The following MRTFB variants were observed in gnomAD, a reference collection of about 807,000 sequenced individuals.
The protein encoded by MRTFB is myocardin-related transcription factor B.
Under a neutral mutation model 104.2 loss-of-function variants are expected in MRTFB, and 29 were observed. The ratio of observed to expected loss-of-function variants is 0.28; its 90% confidence interval spans 0.21 to 0.38. The LOEUF (loss-of-function observed/expected upper bound fraction) is 0.38. Among genes scored for constraint, MRTFB ranks in the 10% least tolerant of loss-of-function variants. The probability of loss-of-function intolerance (pLI) is 1.00; values close to 1 mark genes in which losing one functional copy is unlikely to be tolerated. For missense variants in MRTFB, 1,270 were observed against 1,341.6 expected, an observed-to-expected ratio of 0.95 and a Z score of 0.83; for synonymous variants, 535 against 519.5, an observed-to-expected ratio of 1.03 and a Z score of -0.41.
intron 3 of MRTFB, among the ~76,000 whole-genome samples, chr16:14,147,503 A>ACT (rs1054744962): frequency 4.3e-4 from 65 of 152,052 alleles, no homozygotes; most frequent in African/African-American, 1.4e-3. Context: ...CTATTTTTCT[A>ACT]CTCTGAGTGT....
chr16:14,132,124 C>G (rs1475951028), intron 2 of MRTFB, among the ~76,000 whole-genome samples: 1 of 151,964 alleles, frequency 6.6e-6, no homozygotes, highest in African/African-American at 2.4e-5. Flanking sequence ...GATAATTGGA[C>G]AGTATAGAGG....
chr16:14,144,948 C>CA (rs373155376), intron 3 of MRTFB, among the ~76,000 whole-genome samples: 59 of 86,996 alleles, frequency 6.8e-4, no homozygotes, highest in Non-Finnish European at 1.1e-3. Context: ...GACTCTGTCT[C>CA]AAAAAAAAAA....
intron 8 of MRTFB, among the ~76,000 whole-genome samples, chr16:14,223,136 A>G (rs773559656): frequency 2.0e-5 from 3 of 152,068 alleles, no homozygotes; most frequent in African/African-American, 7.2e-5. Flanking sequence ...GTGAGACCCC[A>G]TCTCTACTAA....
the MRTFB span, among the ~76,000 whole-genome samples, chr16:14,043,289 G>T: frequency 6.6e-6 from 1 of 152,100 alleles, no homozygotes. Context: ...CATTCTTTCT[G>T]CCAGAAGCAT....
At chr16:14,035,764 T>A in the MRTFB span, among the ~76,000 whole-genome samples, 16 of 152,096 alleles carry the variant, frequency 1.1e-4, no homozygotes, top group Non-Finnish European at 2.2e-4. Context: ...CAGGCAGTAT[T>A]TGGTTACATG....
chr16:14,208,352 A>G (rs1213949382), intron 3 of MRTFB, among the ~76,000 whole-genome samples: 2 of 152,210 alleles, frequency 1.3e-5, no homozygotes, highest in African/African-American at 2.4e-5. Flanking sequence ...CATTCACCCA[A>G]AAAACGTATT....
At chr16:14,249,433 T>A (rs182580226) in intron 13 of MRTFB, among the ~76,000 whole-genome samples, 12 of 152,378 alleles carry the variant, frequency 7.9e-5, no homozygotes, top group African/African-American at 2.4e-4. Context: ...GATATGCTGT[T>A]CCCTTGGAAA....
the MRTFB span, among the ~76,000 whole-genome samples, chr16:13,997,012 G>A: frequency 1.3e-5 from 2 of 152,148 alleles, no homozygotes; most frequent in African/African-American, 4.8e-5. Context: ...GGTTTGCAGT[G>A]GACAGCGTGA....
chr16:14,151,700 G>A (rs754750965), intron 3 of MRTFB: 2 of 152,150 alleles, frequency 1.3e-5, no homozygotes, highest in East Asian at 1.9e-4. Flanking sequence ...GAGGGCAAAG[G>A]CAGTGGGCAC....
chr16:14,043,926 T>C, the MRTFB span, among the ~76,000 whole-genome samples: 1 of 152,158 alleles, frequency 6.6e-6, no homozygotes, highest in Admixed American at 6.5e-5. Flanking sequence ...TATAGTGCAG[T>C]GATAGGAGCA....
intron 10 of MRTFB, among the ~76,000 whole-genome samples, chr16:14,243,979 G>A (rs113194136): frequency 2.0e-5 from 3 of 151,370 alleles, no homozygotes; most frequent in East Asian, 2.0e-4. Flanking sequence ...CAGGGTTCAC[G>A]CCATTCTCCT....
intron 3 of MRTFB, chr16:14,148,705 C>G (rs534986742): frequency 7.9e-5 from 12 of 152,808 alleles, no homozygotes; most frequent in African/African-American, 2.9e-4. Context: ...TCAGTCTCCT[C>G]TGCTGACTCA....
At chr16:14,117,905 CTCTT>C (rs925118242) in intron 2 of MRTFB, among the ~76,000 whole-genome samples, 27 of 152,138 alleles carry the variant, frequency 1.8e-4, no homozygotes, top group Non-Finnish European at 3.4e-4. Flanking sequence ...CCCCCTTTTT[CTCTT>C]TCTTTAAAAA....
intron 2 of MRTFB, among the ~76,000 whole-genome samples, chr16:14,096,365 C>T (rs2035373950): frequency 6.6e-6 from 1 of 152,090 alleles, no homozygotes; most frequent in South Asian, 2.1e-4. Context: ...ACTCACTGTG[C>T]CTGGCCGGCA....
At chr16:14,119,617 T>G (rs1324561762) in intron 2 of MRTFB, among the ~76,000 whole-genome samples, 1 of 152,194 alleles carries the variant, frequency 6.6e-6, no homozygotes, top group African/African-American at 2.4e-5. Flanking sequence ...GATAATTTTT[T>G]TGTAAGGGTT....
At chr16:14,045,218 C>G in the MRTFB span, among the ~76,000 whole-genome samples, 1 of 152,330 alleles carries the variant, frequency 6.6e-6, no homozygotes, top group East Asian at 1.9e-4. Flanking sequence ...CTCCCTCTGC[C>G]TAACTCTGTT....
chr16:14,204,882 A>C (rs553628950), intron 3 of MRTFB, among the ~76,000 whole-genome samples: 1 of 152,346 alleles, frequency 6.6e-6, no homozygotes, highest in Non-Finnish European at 1.5e-5. Context: ...AATTCAAATT[A>C]AGGGAATAAC....
chr16:14,066,802 T>C (rs967149882), upstream of MRTFB, among the ~76,000 whole-genome samples: 4 of 151,946 alleles, frequency 2.6e-5, no homozygotes, highest in Non-Finnish European at 2.9e-5. Context: ...TTGCTAGTAC[T>C]ACAGGCACAA....
At chr16:14,025,662 T>G in the MRTFB span, among the ~76,000 whole-genome samples, 1 of 151,852 alleles carries the variant, frequency 6.6e-6, no homozygotes, top group African/African-American at 2.4e-5. Flanking sequence ...TTTCCTAGAA[T>G]AGGGACATGG....
Sources: allele counts gnomAD v4.1 joint callset (sites outside exome capture counted in the v4.1 genomes callset), GRCh38; gene constraint gnomAD v4.1.1; transcripts MANE v1.5; gene names NCBI Gene and HGNC (gene_info 2026-07-23, HGNC 2026-07-21).